The following KIF6 variants were observed in gnomAD, a reference collection of about 807,000 sequenced individuals.
KIF6 encodes the protein kinesin-like protein KIF6.
Under a neutral mutation model 112.7 loss-of-function variants are expected in KIF6, and 106 were observed. The observed-to-expected ratio is 0.94, with a 90% CI of 0.80 to 1.11. The LOEUF is 1.11. Among genes scored for constraint, KIF6 ranks in the 50% least tolerant of loss-of-function variants. The probability of loss-of-function intolerance (pLI) is 0.00; values close to 1 mark genes in which losing one functional copy is unlikely to be tolerated. For synonymous variants in KIF6, 339 were observed against 339.9 expected, an observed-to-expected ratio of 1.00 and a Z score of 0.03; for missense variants, 929 against 964.0, an observed-to-expected ratio of 0.96 and a Z score of 0.48.
intron 5 of KIF6, among the ~76,000 whole-genome samples, chr6:39,634,186 T>A (rs971794826): frequency 1.3e-5 from 2 of 152,190 alleles, no homozygotes; most frequent in Admixed American, 6.6e-5. Context: ...ACTTTTGATA[T>A]ATGATGTCTG....
intron 3 of KIF6, among the ~76,000 whole-genome samples, chr6:39,651,482 C>T (rs539505557): frequency 6.7e-4 from 102 of 152,264 alleles, no homozygotes; most frequent in African/African-American, 2.4e-3. Flanking sequence ...AAATGCGTTT[C>T]CCTAACTCCT....
intron 13 of KIF6, among the ~76,000 whole-genome samples, chr6:39,463,298 A>G (rs1328756369): frequency 6.6e-6 from 1 of 152,190 alleles, no homozygotes; most frequent in African/African-American, 2.4e-5. Context: ...AATACTATGT[A>G]AGCCTCTATT....
At chr6:39,452,628 C>T (rs1184600536) in intron 13 of KIF6, among the ~76,000 whole-genome samples, 4 of 152,140 alleles carry the variant, frequency 2.6e-5, no homozygotes, top group African/African-American at 7.2e-5. Flanking sequence ...TATCAGCTTT[C>T]GCCCTTACCA....
chr6:39,557,003 T>C (rs977248420), intron 10 of KIF6, among the ~76,000 whole-genome samples: 1 of 152,158 alleles, frequency 6.6e-6, no homozygotes, highest in Non-Finnish European at 1.5e-5. Context: ...TTAGCTGAAA[T>C]TTTTAAATAA....
chr6:39,502,990 C>G (rs533622349), intron 13 of KIF6, among the ~76,000 whole-genome samples: 11 of 152,168 alleles, frequency 7.2e-5, no homozygotes, highest in African/African-American at 2.6e-4. Context: ...TCTAGTGGAC[C>G]TGATAGATAT....
At chr6:39,464,745 C>T (rs181806517) in intron 13 of KIF6, among the ~76,000 whole-genome samples, 27 of 152,232 alleles carry the variant, frequency 1.8e-4, no homozygotes, top group Admixed American at 1.5e-3. Flanking sequence ...CCCACAGGAG[C>T]CCACTGGACT....
At position 39,544,607 on chromosome 6, in the gene KIF6, T is replaced by G. The variant is rs1561794822; in HGVS notation, c.1374A>C (p.Glu458Asp). 1 of 1,612,182 alleles carries G rather than the reference T, an allele frequency of 6.2e-7. No individual in the cohort carries two copies. Among genetic ancestry groups the G allele is most frequent in the Non-Finnish European group, 8.5e-7 (1 of 1,178,374 alleles). ...KDQDCQEPLK[E>D]EEYRKLRDIL... Reference sequence around the variant, plus strand: ...TATCTCGTAGCTTTCTATATTCTTCTTCTTTTAATGGTTCTTGACAATCTT... The same window carrying G: ...TATCTCGTAGCTTTCTATATTCTTCGTCTTTTAATGGTTCTTGACAATCTT... Residue 458 changes from glutamate (E) to aspartate (D), a missense_variant, in exon 12 of 23, where the codon GAA becomes GAC. This residue lies in a region of KIF6 where 688 missense variants were observed against 662.7 expected (regional missense o/e 1.04). Coordinates refer to ENST00000287152, the MANE Select transcript of KIF6 (RefSeq NM_145027.6).
At chr6:39,618,743 G>A (rs1219391384) in intron 5 of KIF6, among the ~76,000 whole-genome samples, 1 of 152,162 alleles carries the variant, frequency 6.6e-6, no homozygotes, top group Non-Finnish European at 1.5e-5. Flanking sequence ...GACGTCCCCA[G>A]TCTCAACTTA....
intron 5 of KIF6, among the ~76,000 whole-genome samples, chr6:39,614,229 C>T (rs1212839284): frequency 1.3e-5 from 2 of 152,096 alleles, no homozygotes; most frequent in East Asian, 3.9e-4. Flanking sequence ...TTAAATTTTG[C>T]CTTCTTGATT....
chr6:39,563,105 G>T (rs1363648856), intron 10 of KIF6, among the ~76,000 whole-genome samples: 1 of 152,116 alleles, frequency 6.6e-6, no homozygotes, highest in Non-Finnish European at 1.5e-5. Context: ...GCCAGGTGCA[G>T]GGGTGCGCAC....
At chr6:39,585,897 C>T (rs536434413) in intron 8 of KIF6, among the ~76,000 whole-genome samples, 2 of 152,304 alleles carry the variant, frequency 1.3e-5, no homozygotes, top group East Asian at 3.9e-4. Context: ...AGAGATATCT[C>T]CAAGGTATCC....
At chr6:39,574,677 T>C (rs1780833157) in intron 10 of KIF6, among the ~76,000 whole-genome samples, 1 of 152,194 alleles carries the variant, frequency 6.6e-6, no homozygotes, top group South Asian at 2.1e-4. Context: ...TGAAGTTGCA[T>C]GTCTTATTTT....
At chr6:39,561,758 A>C (rs1459647717) in intron 10 of KIF6, among the ~76,000 whole-genome samples, 2 of 152,216 alleles carry the variant, frequency 1.3e-5, no homozygotes, top group Non-Finnish European at 2.9e-5. Flanking sequence ...CAGCCAAGAA[A>C]GTTTTGAAAT....
At chr6:39,536,644 T>G (rs866291751) in intron 13 of KIF6, among the ~76,000 whole-genome samples, 5,275 of 131,536 alleles carry the variant, frequency 0.04, 177 homozygotes, top group African/African-American at 0.096. Flanking sequence ...GTACAAGGAG[T>G]AACTGGTACC....
chr6:39,432,968 G>T (rs1771265807), intron 13 of KIF6, among the ~76,000 whole-genome samples: 1 of 152,064 alleles, frequency 6.6e-6, no homozygotes, highest in South Asian at 2.1e-4. Context: ...CAACAGAGGT[G>T]TGGGGGTGGT....
intron 3 of KIF6, among the ~76,000 whole-genome samples, chr6:39,660,444 G>T (rs1786070415): frequency 1.3e-5 from 2 of 152,120 alleles, no homozygotes; most frequent in South Asian, 4.1e-4. Flanking sequence ...ACCTATGGGG[G>T]TATAAGCTGT....
intron 14 of KIF6, among the ~76,000 whole-genome samples, chr6:39,424,582 C>T (rs13211523): frequency 2.6e-5 from 4 of 152,212 alleles, no homozygotes; most frequent in Admixed American, 6.5e-5. Flanking sequence ...GACTGGAAGT[C>T]AGAGTAGGAC....
intron 13 of KIF6, among the ~76,000 whole-genome samples, chr6:39,532,878 A>T (rs1778152288): frequency 6.6e-6 from 1 of 152,304 alleles, no homozygotes; most frequent in East Asian, 1.9e-4. Context: ...CTGGTTCCTC[A>T]ATGTGTTTAA....
At chr6:39,476,104 ATCTAGG>A (rs1774412247) in intron 13 of KIF6, among the ~76,000 whole-genome samples, 1 of 151,996 alleles carries the variant, frequency 6.6e-6, no homozygotes, top group South Asian at 2.1e-4. Flanking sequence ...GGGGCTTAAC[ATCTAGG>A]TGATGGGTTG....
Sources: allele counts gnomAD v4.1 joint callset (sites outside exome capture counted in the v4.1 genomes callset), GRCh38; gene constraint gnomAD v4.1.1; regional missense constraint gnomAD v4.1.1; transcripts MANE v1.5; gene names NCBI Gene and HGNC (gene_info 2026-07-23, HGNC 2026-07-21).